The following INPP4B variants were observed in gnomAD, a reference collection of about 807,000 sequenced individuals.
INPP4B encodes the protein inositol polyphosphate-4-phosphatase type II B, also known as inositol polyphosphate 4-phosphatase type II.
A neutral mutation model predicts 122.5 loss-of-function variants in INPP4B; 55 were observed. That is an observed-to-expected ratio of 0.45 (90% confidence interval 0.36 to 0.56). The LOEUF is 0.56. Among genes scored for constraint, INPP4B ranks in the 20% least tolerant of loss-of-function variants. The probability of loss-of-function intolerance (pLI) is 0.00; values close to 1 mark genes in which losing one functional copy is unlikely to be tolerated. For synonymous variants in INPP4B, 403 were observed against 388.7 expected (o/e 1.04, Z -0.43); for missense variants, 1,000 against 1,097.7 (o/e 0.91, Z 1.26).
chr4:142,751,260 C>G (rs1451298583), intron 1 of INPP4B, among the ~76,000 whole-genome samples: 1 of 112,028 alleles, frequency 8.9e-6, no homozygotes, highest in Non-Finnish European at 1.9e-5. Flanking sequence ...CATAAAAAGC[C>G]AAAGTAATGG....
At chr4:142,145,694 C>T (rs1322142645) in intron 18 of INPP4B, 146 bp downstream of exon 18, 2 of 684,196 alleles carry the variant, frequency 2.9e-6, no homozygotes, top group South Asian at 2.5e-5. Flanking sequence ...AGCCTTCCAT[C>T]ATCCAAGCCA....
intron 5 of INPP4B, among the ~76,000 whole-genome samples, chr4:142,420,240 G>A (rs1259784953): frequency 1.3e-5 from 2 of 152,066 alleles, no homozygotes; most frequent in African/African-American, 4.8e-5. Flanking sequence ...TTCCTACAAT[G>A]TATTACTTAG....
At chr4:142,056,551 G>C (rs1310083371) in intron 25 of INPP4B, among the ~76,000 whole-genome samples, 6 of 152,046 alleles carry the variant, frequency 3.9e-5, no homozygotes, top group Admixed American at 3.9e-4. Context: ...AATGAAGTAA[G>C]TGATAGGAAC....
In INPP4B at chr4:142,485,662, G is replaced by A. The variant is rs541363930; in HGVS notation, c.-190-22936C>T. On this transcript the variant is annotated intron_variant, in intron 2 of 25. Transcript: ENST00000262992. ...CATTGCACAAACTGGTTTAATTAAAGGCTCAGGTTAAGAAATAAGGAACTG... is the reference window on the plus strand; with the variant it reads ...CATTGCACAAACTGGTTTAATTAAAAGCTCAGGTTAAGAAATAAGGAACTG... Among the ~76,000 whole-genome samples the A allele has an allele frequency of 2.0e-5, 3 of 152,118 alleles. No individual in the cohort carries two copies. The East Asian group carries it at 5.8e-4, about 29-fold the overall frequency.
rs139030759 is a variant in INPP4B at position 142,726,396 on chromosome 4, G to A, written c.-253-495C>T. On this transcript the variant is annotated intron_variant, in intron 1 of 25. Coordinates refer to ENST00000262992, the MANE Select transcript of INPP4B (RefSeq NM_001101669.3). ...AAAGTAATAAAATGAGATACTGTGG[G>A]ACAACTGTAAATAACTGCAGATTAC... Among the ~76,000 whole-genome samples, 378 of 152,302 alleles carry A rather than the reference G, an allele frequency of 2.5e-3. 5 individuals carry two copies. Among genetic ancestry groups the A allele is most frequent in the East Asian group, 0.019 (96 of 5,186 alleles).
chr4:142,150,917 G>C (rs189829177), intron 17 of INPP4B, among the ~76,000 whole-genome samples: 32 of 152,278 alleles, frequency 2.1e-4, no homozygotes, highest in African/African-American at 6.0e-4. Context: ...TGATCAGAAA[G>C]AATGTGAAGA....
chr4:142,493,712 G>T (rs1277083819), intron 2 of INPP4B, among the ~76,000 whole-genome samples: 1 of 152,146 alleles, frequency 6.6e-6, no homozygotes, highest in Non-Finnish European at 1.5e-5. Context: ...TGATTTTACA[G>T]GCTCAGGTGG....
rs149683524 is a variant in INPP4B at position 142,386,449 on chromosome 4, A to T, written c.372+16489T>A. ...CCTGAAAAGGACTCCATGCTTCTAT[A>T]TTTGAGTCCTTATGGATGAACTGCA... is the stretch of plus-strand genomic sequence containing the variant. On this transcript the variant is annotated intron_variant, in intron 7 of 25. Transcript: ENST00000262992. 2.6e-5 allele frequency among the ~76,000 whole-genome samples: 4 copies of T among 152,292 alleles called. No homozygotes were observed. In the East Asian group the frequency reaches 7.7e-4, roughly 29 times the overall value.
chr4:142,030,239 G>T lies in INPP4B; in HGVS notation c.2643-1325C>A, dbSNP rs1283658949. 3 of 1,535,520 alleles carry T rather than the reference G, an allele frequency of 2.0e-6. No individual in the cohort carries two copies. In the South Asian group the frequency reaches 3.6e-5, roughly 18 times the overall value. Reference sequence around the variant, plus strand: ...GATAGAAGTGTCGAGAAGTTGGCTTGTTATCAGTTAGACAGCCTGTTTCAG... The same window carrying T: ...GATAGAAGTGTCGAGAAGTTGGCTTTTTATCAGTTAGACAGCCTGTTTCAG... On this transcript the variant is annotated intron_variant, in intron 25 of 25. Transcript: ENST00000262992.
intron 9 of INPP4B, among the ~76,000 whole-genome samples, chr4:142,287,954 C>CT (rs1288974610): frequency 6.6e-6 from 1 of 152,176 alleles, no homozygotes; most frequent in African/African-American, 2.4e-5. Context: ...CAGTGGCTGC[C>CT]TTCTAGCTGT....
chr4:142,419,451 C>T (rs1806413797), intron 5 of INPP4B, among the ~76,000 whole-genome samples: 1 of 152,070 alleles, frequency 6.6e-6, no homozygotes, highest in African/African-American at 2.4e-5. Flanking sequence ...GGACTTCTGC[C>T]ACCTTATCAC....
chr4:142,489,958 T>C (rs909799776), intron 2 of INPP4B, among the ~76,000 whole-genome samples: 9 of 152,302 alleles, frequency 5.9e-5, no homozygotes, highest in Non-Finnish European at 1.3e-4. Flanking sequence ...TATGTTTGCA[T>C]GTTATGTATT....
chr4:142,367,011 C>T (rs1016082241), intron 7 of INPP4B, among the ~76,000 whole-genome samples: 1 of 152,060 alleles, frequency 6.6e-6, no homozygotes, highest in Non-Finnish European at 1.5e-5. Context: ...CAGTACTGCT[C>T]ACCCCTACTG....
chr4:142,127,956 T>C (rs1799369256), intron 18 of INPP4B, among the ~76,000 whole-genome samples: 1 of 152,126 alleles, frequency 6.6e-6, no homozygotes, highest in African/African-American at 2.4e-5. Flanking sequence ...AGTCAGTTCA[T>C]AAATGGCCTT....
At chr4:142,659,568 C>A (rs544736378) in intron 2 of INPP4B, among the ~76,000 whole-genome samples, 1 of 152,258 alleles carries the variant, frequency 6.6e-6, no homozygotes, top group African/African-American at 2.4e-5. Context: ...AGCTGCAGCT[C>A]AGAAACAACA....
At chr4:142,313,058 C>T (rs77995037) in intron 8 of INPP4B, among the ~76,000 whole-genome samples, 5,886 of 152,122 alleles carry the variant, frequency 0.039, 147 homozygotes, top group Non-Finnish European at 0.059. Context: ...CCCCACTGCA[C>T]GTTGCTAGAG....
intron 2 of INPP4B, among the ~76,000 whole-genome samples, chr4:142,583,127 A>G (rs1242781949): frequency 1.3e-5 from 2 of 152,076 alleles, no homozygotes; most frequent in African/African-American, 4.8e-5. Context: ...GATCTCTTAC[A>G]CCCAGGGATC....
At chr4:142,278,584 G>C (rs1298307748) in intron 9 of INPP4B, among the ~76,000 whole-genome samples, 1 of 151,884 alleles carries the variant, frequency 6.6e-6, no homozygotes, top group Admixed American at 6.6e-5. Context: ...ATGATCCCAA[G>C]ATAGTGTGGC....
chr4:142,517,399 T>A (rs891001851), intron 2 of INPP4B, among the ~76,000 whole-genome samples: 1 of 152,094 alleles, frequency 6.6e-6, no homozygotes, highest in African/African-American at 2.4e-5. Flanking sequence ...AATCAGACAC[T>A]TAGCCTAATT....
Sources: allele counts gnomAD v4.1 joint callset (sites outside exome capture counted in the v4.1 genomes callset), GRCh38; gene constraint gnomAD v4.1.1; transcripts MANE v1.5; gene names NCBI Gene and HGNC (gene_info 2026-07-23, HGNC 2026-07-21).